CTNNA2: variants seen among roughly 807,000 people sequenced by gnomAD.
CTNNA2 encodes catenin alpha 2, also known as catenin alpha-2.
In CTNNA2, 42 loss-of-function variants were observed where a neutral mutation model predicts 101.0. The ratio of observed to expected loss-of-function variants is 0.42; its 90% CI spans 0.32 to 0.54. The LOEUF is 0.54. CTNNA2 is among the 20% of genes least tolerant of loss of function. CTNNA2 has a pLI of 0.14. For missense variants in CTNNA2, 871 were observed against 1,223.1 expected (o/e 0.71, Z 4.29); for synonymous variants, 450 against 456.4 (o/e 0.99, Z 0.18).
chr2:79,584,674 C>G (rs1676365541), intron 1 of CTNNA2, among the ~76,000 whole-genome samples: 1 of 151,980 alleles, frequency 6.6e-6, no homozygotes, highest in Non-Finnish European at 1.5e-5. Flanking sequence ...CACACACCAC[C>G]ACGTCCGGCT....
At chr2:80,109,467 C>G (rs1701081815) in intron 7 of CTNNA2, among the ~76,000 whole-genome samples, 1 of 136,264 alleles carries the variant, frequency 7.3e-6, no homozygotes, top group African/African-American at 3.7e-5. Flanking sequence ...TCTCAAGAAA[C>G]AAACAAACAA....
upstream of CTNNA2, among the ~76,000 whole-genome samples, chr2:79,509,567 A>C (rs1482596969): frequency 6.6e-6 from 1 of 152,194 alleles, no homozygotes. Flanking sequence ...AAACTTGGAG[A>C]CAGGAAAAAC....
At chr2:79,382,547 C>A (rs1156991173) in intron 4 of CTNNA2, among the ~76,000 whole-genome samples, 1 of 152,126 alleles carries the variant, frequency 6.6e-6, no homozygotes, top group African/African-American at 2.4e-5. Context: ...TACTGAAGAG[C>A]ACCTTAGGCT....
chr2:79,465,710 T>C (rs1012420156), intron 4 of CTNNA2, among the ~76,000 whole-genome samples: 3 of 152,186 alleles, frequency 2.0e-5, no homozygotes, highest in African/African-American at 7.2e-5. Context: ...CCCTTGTAAG[T>C]TGGATTCCTA....
At chr2:80,154,945 A>G (rs182939961) in intron 7 of CTNNA2, among the ~76,000 whole-genome samples, 1 of 152,346 alleles carries the variant, frequency 6.6e-6, no homozygotes, top group Non-Finnish European at 1.5e-5. Context: ...TTACTCATTT[A>G]AAAGTAAGTA....
At position 79,199,323 on chromosome 2, in the gene CTNNA2, C is replaced by A. The variant is rs117127743; in HGVS notation, c.-406+1247C>A. Among the ~76,000 whole-genome samples, 894 of 152,192 alleles carry A rather than the reference C, an allele frequency of 5.9e-3. 44 individuals carry two copies. In the East Asian group the frequency reaches 0.1, roughly 18 times the overall value. ...TAAATGCAAAGTTCCCTATTCTTGT[C>A]CCCACAAATAAAACAATGATAACCC... On this transcript the variant is annotated intron_variant, in intron 2 of 21. Transcript: ENST00000466387.
At chr2:79,737,580 A>G (rs941393734) in intron 2 of CTNNA2, among the ~76,000 whole-genome samples, 2 of 152,186 alleles carry the variant, frequency 1.3e-5, no homozygotes, top group African/African-American at 4.8e-5. Flanking sequence ...ATATAGTTGG[A>G]AAATAATTGT....
chr2:79,280,878 G>T (rs1037235139), intron 2 of CTNNA2, among the ~76,000 whole-genome samples: 10 of 151,916 alleles, frequency 6.6e-5, no homozygotes, highest in African/African-American at 2.4e-4. Context: ...CCAGGAAAAG[G>T]CCAGAACCAA....
intron 5 of CTNNA2, among the ~76,000 whole-genome samples, chr2:79,505,620 C>A (rs10181354): frequency 0.023 from 3,460 of 152,240 alleles, 164 homozygotes; most frequent in East Asian, 0.19. Context: ...ATTTCTCAAC[C>A]AATGCCTGTG....
At chr2:79,920,371 T>A (rs1374838678) in intron 7 of CTNNA2, among the ~76,000 whole-genome samples, 2 of 152,196 alleles carry the variant, frequency 1.3e-5, no homozygotes, top group Non-Finnish European at 2.9e-5. Context: ...AATCACATCA[T>A]CTTATTGTTT....
chr2:80,448,452 C>T (rs193068003), intron 9 of CTNNA2, among the ~76,000 whole-genome samples: 4 of 152,274 alleles, frequency 2.6e-5, no homozygotes, highest in African/African-American at 4.8e-5. Flanking sequence ...TCCTTTGTTT[C>T]GCCTAGCCTG....
At chr2:79,467,012 A>G (rs1317154464) in intron 4 of CTNNA2, among the ~76,000 whole-genome samples, 1 of 152,260 alleles carries the variant, frequency 6.6e-6, no homozygotes, top group Non-Finnish European at 1.5e-5. Context: ...TAACAATGGA[A>G]CAAAGCTGGA....
At chr2:79,351,882 T>C (rs959119574) in intron 3 of CTNNA2, among the ~76,000 whole-genome samples, 3 of 152,226 alleles carry the variant, frequency 2.0e-5, no homozygotes, top group South Asian at 4.1e-4. Context: ...TTGTGAATAG[T>C]GCTGGAATGA....
At chr2:79,300,612 C>A (rs2104389925) in intron 2 of CTNNA2, among the ~76,000 whole-genome samples, 1 of 152,132 alleles carries the variant, frequency 6.6e-6, no homozygotes, top group East Asian at 1.9e-4. Context: ...TTTCTTCCAC[C>A]CAACCACCTA....
intron 4 of CTNNA2, among the ~76,000 whole-genome samples, chr2:79,407,490 C>T (rs7606175): frequency 0.012 from 1,784 of 151,970 alleles, 28 homozygotes; most frequent in African/African-American, 0.041. Context: ...TACATAAACA[C>T]TACATGCATT....
At chr2:80,556,586 A>G (rs540324013) in intron 12 of CTNNA2, among the ~76,000 whole-genome samples, 24 of 147,532 alleles carry the variant, frequency 1.6e-4, no homozygotes, top group Admixed American at 5.3e-4. Context: ...GCATTGGGGT[A>G]AAAAAAAATG....
intron 9 of CTNNA2, among the ~76,000 whole-genome samples, chr2:80,533,224 A>G (rs541903968): frequency 2.0e-5 from 3 of 152,284 alleles, no homozygotes; most frequent in African/African-American, 7.2e-5. Context: ...AGGTGTTTGG[A>G]AGAGATCTAT....
chr2:79,924,525 G>A (rs1003417340), intron 7 of CTNNA2, among the ~76,000 whole-genome samples: 6 of 152,134 alleles, frequency 3.9e-5, no homozygotes, highest in African/African-American at 2.4e-5. Flanking sequence ...AAATATGTGT[G>A]TTAAATCAAT....
intron 1 of CTNNA2, among the ~76,000 whole-genome samples, chr2:79,642,863 T>C (rs1461778207): frequency 6.6e-6 from 1 of 151,510 alleles, no homozygotes; most frequent in Non-Finnish European, 1.5e-5. Context: ...TAGCCCCTCT[T>C]ACAATAGGGT....
Sources: gnomAD v4.1 joint callset for allele counts (sites outside exome capture counted in the v4.1 genomes callset) on GRCh38, gnomAD v4.1.1 for gene constraint, MANE v1.5 for transcripts, NCBI Gene and HGNC (gene_info 2026-07-23, HGNC 2026-07-21) for gene names.